The following SLC17A8 variants were observed in gnomAD, a reference collection of about 807,000 sequenced individuals.
The protein encoded by SLC17A8 is vesicular glutamate transporter 3.
In SLC17A8, 31 loss-of-function variants were observed where a neutral mutation model predicts 58.0. The ratio of observed to expected loss-of-function variants is 0.53; its 90% CI spans 0.40 to 0.72. SLC17A8 has a LOEUF of 0.72. SLC17A8 is among the 30% of genes least tolerant of loss of function. The pLI is 0.00. For missense variants in SLC17A8, 655 were observed against 727.8 expected (o/e 0.90, Z 1.15); for synonymous variants, 228 against 249.0 (o/e 0.92, Z 0.79).
In SLC17A8 at chr12:100,418,124, C is replaced by A; in HGVS notation, c.1393C>A (p.Pro465Thr). ...GVGTLSGMVC[P>T]LIVGAMTRHK... ...GGGAACCCTCTCTGGAATGGTCTGTCCCCTCATTGTCGGTGCAATGACCAG... is the reference window on the plus strand; with the variant it reads ...GGGAACCCTCTCTGGAATGGTCTGTACCCTCATTGTCGGTGCAATGACCAG... Residue 465 changes from proline (P) to threonine (T), a missense_variant, in exon 11 of 12, where the codon CCC (proline) becomes ACC (threonine). Coordinates refer to ENST00000323346, the MANE Select transcript of SLC17A8 (RefSeq NM_139319.3). 4 of 1,614,114 alleles carry A rather than the reference C, an allele frequency of 2.5e-6. No individual in the cohort carries two copies. The highest frequency in any genetic ancestry group is 1.1e-5 in the South Asian group (1 of 91,068).
chr12:100,418,221 G>A, intron 11 of SLC17A8, 65 bp downstream of exon 11: 1 of 1,604,072 alleles, frequency 6.2e-7, no homozygotes, highest in Non-Finnish European at 8.5e-7. Context: ...ACAAACTTGA[G>A]ATTTCAAGGC....
chr12:100,361,335 C>A, intron 1 of SLC17A8, among the ~76,000 whole-genome samples: 1 of 152,200 alleles, frequency 6.6e-6, no homozygotes, highest in Non-Finnish European at 1.5e-5. Flanking sequence ...GGCCTCCTGG[C>A]TCTTATTAGA....
chr12:100,379,320 A>C (rs1190573564), intron 1 of SLC17A8, among the ~76,000 whole-genome samples: 1 of 151,920 alleles, frequency 6.6e-6, no homozygotes, highest in Non-Finnish European at 1.5e-5. Context: ...CTGTAATCCC[A>C]GCTACTCAGG....
At chr12:100,412,667 T>C (rs1952877999) in intron 9 of SLC17A8, 103 bp from the exon 10 acceptor site, 39 of 790,866 alleles carry the variant, frequency 4.9e-5, no homozygotes, top group South Asian at 4.6e-4. Flanking sequence ...AAAATAAACT[T>C]AGGTCTGTGG....
At chr12:100,379,292 G>A (rs998664735) in intron 1 of SLC17A8, among the ~76,000 whole-genome samples, 23 of 152,090 alleles carry the variant, frequency 1.5e-4, no homozygotes, top group African/African-American at 2.7e-4. Flanking sequence ...AAAATTATCT[G>A]GGTGTGGTGG....
At chr12:100,379,435 C>A (rs35028664) in intron 1 of SLC17A8, among the ~76,000 whole-genome samples, 93,182 of 136,166 alleles carry the variant, frequency 0.68, 31,821 homozygotes, top group East Asian at 0.88. Flanking sequence ...ATTCCGTCCC[C>A]AAAAAAAAAA....
chr12:100,408,674 A>G (rs11615115), intron 9 of SLC17A8, among the ~76,000 whole-genome samples: 6,041 of 152,160 alleles, frequency 0.04, 159 homozygotes, highest in Non-Finnish European at 0.064. Flanking sequence ...AGATGAACTG[A>G]TGTATCATTT....
chr12:100,371,657 C>T (rs1952559703), intron 1 of SLC17A8, among the ~76,000 whole-genome samples: 2 of 152,188 alleles, frequency 1.3e-5, no homozygotes, highest in Admixed American at 6.5e-5. Flanking sequence ...AAGTGATTCT[C>T]CTGCTTCAGC....
In SLC17A8 at chr12:100,404,121, C is replaced by T; in HGVS notation, c.1137C>T (p.Ser379=). 1.2e-6 allele frequency: 2 copies of T among 1,614,166 alleles called. No homozygotes were observed. Among genetic ancestry groups the T allele is most frequent in the Non-Finnish European group, 1.7e-6 (2 of 1,180,028 alleles). ...IGGQLADYLR[S]RQILTTTAVR... is the part of the protein sequence containing the mutation. ...GACAATTGGCTGATTATTTAAGAAG[C>T]AGACAAATTTTAACCACAACTGCTG... is the stretch of plus-strand genomic sequence containing the variant. The change falls in exon 9 of 12, where the codon AGC becomes AGT. Residue 379 remains serine (S), a synonymous_variant. Transcript: ENST00000323346.
At chr12:100,379,203 A>G (rs1242862992) in intron 1 of SLC17A8, among the ~76,000 whole-genome samples, 7 of 151,900 alleles carry the variant, frequency 4.6e-5, no homozygotes, top group Non-Finnish European at 7.4e-5. Flanking sequence ...TTGGGAGGCC[A>G]AGGTGGGCGG....
chr12:100,391,658 TC>T (rs1350678185), intron 3 of SLC17A8, among the ~76,000 whole-genome samples: 1 of 152,112 alleles, frequency 6.6e-6, no homozygotes, highest in Admixed American at 6.6e-5. Flanking sequence ...ACCTTGCAAC[TC>T]TTCAAGTGAT....
chr12:100,395,393 T>G (rs987229991), intron 4 of SLC17A8, among the ~76,000 whole-genome samples: 13 of 151,522 alleles, frequency 8.6e-5, no homozygotes, highest in Non-Finnish European at 1.5e-5. Flanking sequence ...TGGTGTGATC[T>G]CAGCTCACTG....
chr12:100,397,818 CTG>C (rs1952763621), intron 5 of SLC17A8, among the ~76,000 whole-genome samples: 1 of 151,976 alleles, frequency 6.6e-6, no homozygotes, highest in African/African-American at 2.4e-5. Context: ...TGGCTCATGT[CTG>C]TGGTCCCAGC....
chr12:100,387,006 C>T (rs1952680186), intron 2 of SLC17A8, among the ~76,000 whole-genome samples: 1 of 152,262 alleles, frequency 6.6e-6, no homozygotes, highest in South Asian at 2.1e-4. Flanking sequence ...CTTTATTCAT[C>T]TGTCAACGGG....
At chr12:100,397,136 G>A (rs910787725) in intron 5 of SLC17A8, among the ~76,000 whole-genome samples, 1 of 152,174 alleles carries the variant, frequency 6.6e-6, no homozygotes, top group Non-Finnish European at 1.5e-5. Flanking sequence ...CAGGAGTGAA[G>A]GGGAAGGGAG....
rs182933964 is a variant in SLC17A8, at chr12:100,390,138, G to A, written c.355-863G>A. ...ACCTGGCCTAGCTGGCTAGATTTTT[G>A]ATTTTTTGTAGAGATGGGGTCTCGC... On this transcript the variant is annotated intron_variant, in intron 2 of 11. Coordinates refer to ENST00000323346, the MANE Select transcript of SLC17A8 (RefSeq NM_139319.3). Among the ~76,000 whole-genome samples the A allele has an allele frequency of 7.0e-4, 106 of 151,730 alleles. 1 individual carries two copies. The highest frequency in any genetic ancestry group is 1.8e-3 in the Admixed American group (28 of 15,212).
chr12:100,372,730 T>TTA (rs552966173), intron 1 of SLC17A8, among the ~76,000 whole-genome samples: 122 of 152,146 alleles, frequency 8.0e-4, no homozygotes, highest in Middle Eastern at 3.4e-3. Context: ...AAATACTGTT[T>TTA]TATATATATA....
chr12:100,389,901 A>C (rs979456223), intron 2 of SLC17A8, among the ~76,000 whole-genome samples: 9 of 151,484 alleles, frequency 5.9e-5, no homozygotes, highest in Non-Finnish European at 1.3e-4. Context: ...GCTCACTACA[A>C]CCTCTGCCTC....
intron 5 of SLC17A8, among the ~76,000 whole-genome samples, chr12:100,397,805 C>T (rs1169395736): frequency 2.0e-5 from 3 of 151,808 alleles, no homozygotes; most frequent in East Asian, 1.9e-4. Flanking sequence ...TAGCTGGGTG[C>T]GGTGGCTCAT....
Sources: gnomAD v4.1 joint callset for allele counts (sites outside exome capture counted in the v4.1 genomes callset) on GRCh38, gnomAD v4.1.1 for gene constraint, MANE v1.5 for transcripts, NCBI Gene and HGNC (gene_info 2026-07-23, HGNC 2026-07-21) for gene names.